Variants in RABGAP1L observed in about 807,000 individuals in gnomAD.
RABGAP1L encodes the protein RAB GTPase activating protein 1 like, also known as rab GTPase-activating protein 1-like.
RABGAP1L carries 63 observed loss-of-function variants against 137.7 expected under a neutral mutation model. The ratio of observed to expected loss-of-function variants is 0.46; its 90% CI spans 0.37 to 0.56. The LOEUF is 0.56. Ranked by LOEUF, RABGAP1L falls within the 20% of genes least tolerant of loss-of-function variation. The pLI, the probability that RABGAP1L is intolerant of heterozygous loss-of-function variation, is 0.00. For missense variants in RABGAP1L, 1,095 were observed against 1,244.0 expected, an observed-to-expected ratio of 0.88 and a Z score of 1.80; for synonymous variants, 431 against 433.7, an observed-to-expected ratio of 0.99 and a Z score of 0.08.
intron 19 of RABGAP1L, among the ~76,000 whole-genome samples, chr1:174,863,508 C>T (rs1322494674): frequency 6.6e-6 from 1 of 150,560 alleles, no homozygotes; most frequent in African/African-American, 2.4e-5. Context: ...CCCGTCTCTA[C>T]TAAAAAGACA....
At chr1:174,442,890 C>T (rs1654317134) in intron 13 of RABGAP1L, among the ~76,000 whole-genome samples, 1 of 152,040 alleles carries the variant, frequency 6.6e-6, no homozygotes, top group African/African-American at 2.4e-5. Context: ...CCTTCCCAGC[C>T]TCTGGCAACT....
intron 13 of RABGAP1L, among the ~76,000 whole-genome samples, chr1:174,458,171 T>C (rs1172774596): frequency 6.6e-6 from 1 of 152,126 alleles, no homozygotes; most frequent in Non-Finnish European, 1.5e-5. Context: ...CTGACTATTG[T>C]AGATACAATT....
intron 11 of RABGAP1L, among the ~76,000 whole-genome samples, chr1:174,365,035 C>G (rs558162584): frequency 6.6e-6 from 1 of 152,266 alleles, no homozygotes; most frequent in South Asian, 2.1e-4. Context: ...TCTTTGCTGT[C>G]CTCTCCTTAA....
chr1:174,757,545 T>C (rs903398756), intron 18 of RABGAP1L, among the ~76,000 whole-genome samples: 1 of 148,304 alleles, frequency 6.7e-6, no homozygotes, highest in Non-Finnish European at 1.5e-5. Context: ...TATATAAATT[T>C]ATTTATACAT....
chr1:174,634,724 T>A (rs1673784483), intron 13 of RABGAP1L, among the ~76,000 whole-genome samples: 2 of 138,932 alleles, frequency 1.4e-5, no homozygotes, highest in South Asian at 2.3e-4. Flanking sequence ...TGAGTTCATG[T>A]CCTTTGTAGG....
At chr1:174,684,073 C>T (rs558240491) in intron 15 of RABGAP1L, among the ~76,000 whole-genome samples, 2 of 152,260 alleles carry the variant, frequency 1.3e-5, no homozygotes, top group South Asian at 4.2e-4. Flanking sequence ...TTTGTGTTCT[C>T]AAAGACTTCA....
At chr1:174,780,068 C>CAATA (rs367683847) in intron 18 of RABGAP1L, among the ~76,000 whole-genome samples, 5,791 of 92,164 alleles carry the variant, frequency 0.063, 153 homozygotes, top group Non-Finnish European at 0.099. Context: ...CTCCATCTTA[C>CAATA]AATAAATAAA....
Position 174,231,131 on chromosome 1 carries a change from T to C in RABGAP1L, c.332-14T>C, listed in dbSNP as rs1670614689. On this transcript the variant is annotated splice_polypyrimidine_tract_variant and intron_variant, in intron 3 of 25. Transcript: ENST00000681986. ...TGCAATGACTTTTGAGTGTTTCTTT[T>C]TTTGTTTCTTCAGAAATTTCTACAC... 6.3e-7 allele frequency: 1 copy of C among 1,582,558 alleles called. No homozygotes were observed. Among genetic ancestry groups the C allele is most frequent in the Non-Finnish European group, 8.6e-7 (1 of 1,157,428 alleles).
intron 13 of RABGAP1L, among the ~76,000 whole-genome samples, chr1:174,521,407 G>A (rs1663378594): frequency 6.6e-6 from 1 of 152,138 alleles, no homozygotes; most frequent in African/African-American, 2.4e-5. Context: ...ACTAGTTTTG[G>A]AAAGGTACAG....
Position 174,973,992 on chromosome 1 carries a change from T to G in RABGAP1L, c.2545-2086T>G, listed in dbSNP as rs1305604176. Among the ~76,000 whole-genome samples the G allele has an allele frequency of 1.8e-4, 24 of 131,140 alleles. No homozygotes were observed. In the East Asian group the frequency reaches 2.9e-3, roughly 16 times the overall value. The allele number at this position is 131,140 out of a possible 152,430, so 86.0% of individuals were successfully genotyped here. ...CAATTGTTTTTTGTTTTTTTTTTTTTTTTTTTTTTTTTTTGAGACGGAGTC... is the reference window on the plus strand; with the variant it reads ...CAATTGTTTTTTGTTTTTTTTTTTTGTTTTTTTTTTTTTTGAGACGGAGTC... On this transcript the variant is annotated intron_variant, in intron 21 of 25. Coordinates refer to ENST00000681986, the MANE Select transcript of RABGAP1L (RefSeq NM_001366446.1).
At chr1:174,690,098 A>T (rs1219845200) in intron 15 of RABGAP1L, among the ~76,000 whole-genome samples, 1 of 152,118 alleles carries the variant, frequency 6.6e-6, no homozygotes, top group Non-Finnish European at 1.5e-5. Flanking sequence ...TTACCTATTT[A>T]AAAAATATTT....
intron 13 of RABGAP1L, among the ~76,000 whole-genome samples, chr1:174,611,901 G>C (rs972952945): frequency 3.9e-5 from 6 of 152,194 alleles, no homozygotes; most frequent in African/African-American, 1.4e-4. Flanking sequence ...TTTGCACATT[G>C]ATTTTGTTTC....
intron 18 of RABGAP1L, among the ~76,000 whole-genome samples, chr1:174,789,403 A>G (rs931318910): frequency 2.0e-5 from 3 of 152,206 alleles, no homozygotes; most frequent in African/African-American, 4.8e-5. Flanking sequence ...TTCATGAAGA[A>G]TATATTTTCA....
At chr1:174,222,832 G>C (rs1187628220) in intron 3 of RABGAP1L, among the ~76,000 whole-genome samples, 1 of 152,158 alleles carries the variant, frequency 6.6e-6, no homozygotes, top group Non-Finnish European at 1.5e-5. Flanking sequence ...GAATGGATAA[G>C]CTATTAGATT....
At chr1:174,493,649 G>T (rs138169527) in intron 13 of RABGAP1L, among the ~76,000 whole-genome samples, 1 of 151,568 alleles carries the variant, frequency 6.6e-6, no homozygotes, top group Non-Finnish European at 1.5e-5. Context: ...GCAAAACTTT[G>T]TCTCTACTGA....
intron 1 of RABGAP1L, among the ~76,000 whole-genome samples, chr1:174,218,711 A>G (rs1284211948): frequency 2.0e-5 from 3 of 152,088 alleles, no homozygotes; most frequent in African/African-American, 7.2e-5. Context: ...ATTTAGATTT[A>G]ATTAATATAG....
chr1:174,869,142 A>T (rs368877319), intron 19 of RABGAP1L, among the ~76,000 whole-genome samples: 1 of 152,176 alleles, frequency 6.6e-6, no homozygotes, highest in Non-Finnish European at 1.5e-5. Context: ...ATTGATAATA[A>T]CAACCAACAT....
At position 174,560,913 on chromosome 1, in the gene RABGAP1L, T is replaced by A. The variant is rs6677815; in HGVS notation, c.1711-76462T>A. ...GACATGATTTCAGAGAACCACTGCTTTAAATCACATAAATTATTTACGGAA... is the reference window on the plus strand; with the variant it reads ...GACATGATTTCAGAGAACCACTGCTATAAATCACATAAATTATTTACGGAA... On this transcript the variant is annotated intron_variant, in intron 13 of 25. Transcript: ENST00000681986. 9.5e-3 allele frequency among the ~76,000 whole-genome samples: 1,440 copies of A among 152,284 alleles called. 25 individuals carry two copies. The highest frequency in any genetic ancestry group is 0.033 in the African/African-American group (1,379 of 41,570).
At chr1:174,194,487 G>T (rs1245024950) in intron 1 of RABGAP1L, among the ~76,000 whole-genome samples, 1 of 152,062 alleles carries the variant, frequency 6.6e-6, no homozygotes, top group African/African-American at 2.4e-5. Context: ...GCTCACCTCA[G>T]CCTCCCAAAG....
Sources: gnomAD v4.1 joint callset for allele counts (sites outside exome capture counted in the v4.1 genomes callset) on GRCh38, gnomAD v4.1.1 for gene constraint, MANE v1.5 for transcripts, NCBI Gene and HGNC (gene_info 2026-07-23, HGNC 2026-07-21) for gene names.